Variants in SPTA1 observed in about 807,000 individuals in gnomAD.
SPTA1 encodes spectrin alpha chain, erythrocytic 1.
SPTA1 carries 177 observed loss-of-function variants against 324.7 expected under a neutral mutation model. The observed-to-expected ratio is 0.55, with a 90% CI of 0.48 to 0.62. SPTA1 has a LOEUF of 0.62. SPTA1 is among the 20% of genes least tolerant of loss of function. SPTA1 has a pLI of 0.00. For missense variants in SPTA1, 3,162 were observed against 2,883.6 expected, an observed-to-expected ratio of 1.10 and a Z score of -2.21; for synonymous variants, 1,195 against 1,041.3, an observed-to-expected ratio of 1.15 and a Z score of -2.84.
chr1:158,683,220 A>G (rs939770109), intron 3 of SPTA1, 151 bp downstream of exon 3: 3 of 1,063,252 alleles, frequency 2.8e-6, no homozygotes, highest in African/African-American at 3.2e-5. Flanking sequence ...AAGATATCCC[A>G]TCATTTTTTA....
chr1:158,663,570 A>G (rs1653395450), intron 16 of SPTA1, among the ~76,000 whole-genome samples: 1 of 152,174 alleles, frequency 6.6e-6, no homozygotes, highest in African/African-American at 2.4e-5. Flanking sequence ...TTGTATACCT[A>G]TATGGTGAAA....
rs1309757516 is a variant in SPTA1, at chr1:158,612,973, A to G, written c.6990-12T>C. The G allele has an allele frequency of 1.2e-6, 2 of 1,613,518 alleles. No individual in the cohort carries two copies. Among genetic ancestry groups the G allele is most frequent in the Non-Finnish European group, 1.7e-6 (2 of 1,179,734 alleles). On this transcript the variant is annotated splice_polypyrimidine_tract_variant and intron_variant, in intron 50 of 51. Transcript: ENST00000643759. ...AGACATAGCCCTTCCTGTGGGAGAA[A>G]TGGATCAGGAGCTGAGCCTTCTCAA... is the stretch of plus-strand genomic sequence containing the variant.
At chr1:158,633,191 A>C (rs1650804786) in intron 39 of SPTA1, among the ~76,000 whole-genome samples, 1 of 152,162 alleles carries the variant, frequency 6.6e-6, no homozygotes, top group African/African-American at 2.4e-5. Context: ...GGTGGCTATA[A>C]AAAAGCAACA....
At chr1:158,673,121 C>T (rs1654144723) in intron 10 of SPTA1, among the ~76,000 whole-genome samples, 1 of 151,850 alleles carries the variant, frequency 6.6e-6, no homozygotes, top group Non-Finnish European at 1.5e-5. Context: ...ACTCTGTCAA[C>T]AACAACAAAA....
At chr1:158,662,370 A>G (rs1339609897) in intron 17 of SPTA1, among the ~76,000 whole-genome samples, 1 of 152,174 alleles carries the variant, frequency 6.6e-6, no homozygotes, top group Admixed American at 6.5e-5. Context: ...GGGGCCAGCT[A>G]CAGCCTAAAC....
At chr1:158,646,950 G>C (rs1046764463) in intron 27 of SPTA1, among the ~76,000 whole-genome samples, 1 of 152,128 alleles carries the variant, frequency 6.6e-6, no homozygotes, top group Non-Finnish European at 1.5e-5. Context: ...GATATTCACA[G>C]TTCTCTGGAA....
In SPTA1 at chr1:158,680,480, C is replaced by T. The variant is rs777322789; in HGVS notation, c.678+103G>A. Reference sequence around the variant, plus strand: ...CCAGGAACATGCCAACCTCTGTTTTCTCACAATGCCCCATCTCCTTCATAT... The same window carrying T: ...CCAGGAACATGCCAACCTCTGTTTTTTCACAATGCCCCATCTCCTTCATAT... On this transcript the variant is annotated intron_variant, in intron 5 of 51. Transcript: ENST00000643759. The T allele has an allele frequency of 2.0e-6, 3 of 1,537,660 alleles. No individual in the cohort carries two copies. In the East Asian group the frequency reaches 6.7e-5, roughly 35 times the overall value.
chr1:158,636,578 T>G (rs1368022092), intron 37 of SPTA1, 63 bp downstream of exon 37: 1 of 1,581,202 alleles, frequency 6.3e-7, no homozygotes, highest in Non-Finnish European at 8.7e-7. Context: ...CTTATTTATC[T>G]GTAACACAAG....
At position 158,686,603 on chromosome 1, in the gene SPTA1, G is replaced by A. The variant is rs1020737375; in HGVS notation, c.-86C>T. The A allele has an allele frequency of 4.6e-5, 49 of 1,060,618 alleles. No individual in the cohort carries two copies. In the East Asian group the frequency reaches 8.6e-4, roughly 19 times the overall value. The allele number at this position is 1,060,618 out of a possible 1,614,324, so 65.7% of individuals were successfully genotyped here. A position where few individuals can be genotyped will look rare whatever the true frequency, so the allele number is the denominator to read the frequency against. On this transcript the variant is annotated 5_prime_UTR_variant, in exon 1 of 52. Coordinates refer to ENST00000643759, the MANE Select transcript of SPTA1 (RefSeq NM_003126.4). ...ATAATTCAAATGGAACTGTCCAGTC[G>A]AATTCAAATAGAAATATAGAAACGT...
intron 33 of SPTA1, 57 bp downstream of exon 33, chr1:158,642,354 G>C: frequency 6.4e-7 from 1 of 1,563,582 alleles, no homozygotes; most frequent in East Asian, 2.3e-5. Context: ...AAAAAAGAAA[G>C]AGTAAATGAT....
chr1:158,645,712 CT>C, intron 27 of SPTA1, 118 bp from the exon 28 acceptor site: 1 of 1,026,810 alleles, frequency 9.7e-7, no homozygotes, highest in Non-Finnish European at 1.5e-6. Flanking sequence ...TTTTATCTGG[CT>C]TTATATGCTT....
At chr1:158,643,062 A>G (rs891884916) in intron 31 of SPTA1, 86 bp from the exon 32 acceptor site, 2 of 1,559,720 alleles carry the variant, frequency 1.3e-6, no homozygotes, top group Non-Finnish European at 1.7e-6. Flanking sequence ...CCATTTGCCA[A>G]CATGCCTCTT....
chr1:158,623,229 A>G, intron 42 of SPTA1, 37 bp from the exon 43 acceptor site: 2 of 1,577,640 alleles, frequency 1.3e-6, no homozygotes, highest in Non-Finnish European at 1.7e-6. Flanking sequence ...GAACAAGAAA[A>G]TGGTGCAAGG....
chr1:158,611,707 C>T, intron 51 of SPTA1: 1 of 285,162 alleles, frequency 3.5e-6, no homozygotes, highest in Non-Finnish European at 6.8e-6. Context: ...TCTATTTCAT[C>T]TTCCTGGCTG....
chr1:158,638,266 G>A lies in SPTA1; in HGVS notation c.4981-25C>T, dbSNP rs746819129. On this transcript the variant is annotated intron_variant, in intron 35 of 51. Coordinates refer to ENST00000643759, the MANE Select transcript of SPTA1 (RefSeq NM_003126.4). ...CCTAGAAAGTCTCGGGATACTCAGT[G>A]AATAGTATAGTATAGGCATTACTCA... The A allele has an allele frequency of 7.2e-5, 115 of 1,601,256 alleles. No individual in the cohort carries two copies. Among genetic ancestry groups the A allele is most frequent in the Non-Finnish European group, 9.2e-5 (108 of 1,175,764 alleles).
At chr1:158,657,967 C>T (rs535625606) in intron 18 of SPTA1, among the ~76,000 whole-genome samples, 1 of 152,084 alleles carries the variant, frequency 6.6e-6, no homozygotes, top group East Asian at 1.9e-4. Flanking sequence ...GTGTGGGTGA[C>T]TGAGAGTTCC....
In SPTA1 at chr1:158,617,695, G is replaced by A. The variant is rs1649644522; in HGVS notation, c.6549-107C>T. On this transcript the variant is annotated intron_variant, in intron 46 of 51. Transcript: ENST00000643759. ...TGTTTCAACTTCTCCAAGGTTATGT[G>A]GCTTACATGAAGCAAAATTTCACAG... is the stretch of plus-strand genomic sequence containing the variant. The A allele has an allele frequency of 9.4e-6, 11 of 1,167,682 alleles. No homozygotes were observed. In the South Asian group the frequency reaches 1.3e-4, roughly 14 times the overall value. The allele number at this position is 1,167,682 out of a possible 1,614,324, so 72.3% of individuals were successfully genotyped here.
In SPTA1 at chr1:158,686,482, A is replaced by C. The variant is rs1264652409; in HGVS notation, c.24+12T>G. The C allele has an allele frequency of 6.4e-7, 1 of 1,561,166 alleles. No individual in the cohort carries two copies. Among genetic ancestry groups the C allele is most frequent in the Admixed American group, 1.7e-5 (1 of 59,884 alleles). On this transcript the variant is annotated intron_variant, in intron 1 of 51. Transcript: ENST00000643759. ...TAATGACAAATTGCATGGAAGAGAA[A>C]TATGTACTTACGGTTTCCTTTGGAA...
rs771613907 is a variant in SPTA1, at chr1:158,652,586, A to C, written c.3256T>G (p.Leu1086Val). The C allele has an allele frequency of 1.5e-5, 24 of 1,614,018 alleles. No homozygotes were observed. The highest frequency in any genetic ancestry group is 1.9e-5 in the Non-Finnish European group (23 of 1,180,046). ...ATGTCTCCTGCCTCATAGGCCAATA[A>C]AAATTCATTATAACGTTGCAATAGA... ...RRLLQRYNEF[L>V]LAYEAGDMLE... is the part of the protein sequence containing the mutation. Residue 1086 changes from leucine (L) to valine (V), a missense_variant, in exon 23 of 52, where the codon TTA becomes GTA. By Grantham distance (32) the Leu-to-Val change is conservative. Transcript: ENST00000643759.
Sources: allele counts gnomAD v4.1 joint callset (sites outside exome capture counted in the v4.1 genomes callset), GRCh38; gene constraint gnomAD v4.1.1; transcripts MANE v1.5; gene names NCBI Gene and HGNC (gene_info 2026-07-23, HGNC 2026-07-21).